Variants in CABP7 observed in about 807,000 individuals in gnomAD.
CABP7 encodes calcium-binding protein 7.
A neutral mutation model predicts 23.1 loss-of-function variants in CABP7; 13 were observed. The observed-to-expected ratio is 0.56, with a 90% CI of 0.37 to 0.90. CABP7 has a LOEUF of 0.90. Ranked by LOEUF, CABP7 falls within the 40% of genes least tolerant of loss-of-function variation. The pLI is 0.01. For missense variants in CABP7, 248 were observed against 295.6 expected (o/e 0.84, Z 1.18); for synonymous variants, 123 against 115.3 (o/e 1.07, Z -0.43).
intron 3 of CABP7, 24 bp downstream of exon 3, chr22:29,728,766 C>T (rs1311519238): frequency 6.6e-7 from 1 of 1,511,108 alleles, no homozygotes; most frequent in Non-Finnish European, 9.2e-7. Flanking sequence ...AGTTGGGACC[C>T]AGGGCTGTGC....
Position 29,727,692 on chromosome 22 carries a change from G to C in CABP7, c.140G>C (p.Arg47Pro). The change falls in exon 2 of 5, where the codon CGT becomes CCT. Residue 47 changes from arginine to proline, a missense_variant. Physicochemically the swap from Arg to Pro is moderately radical, Grantham distance 103. Transcript: ENST00000216144. The surrounding 1 kb of genome is among the most constrained non-coding windows in gnomAD (Gnocchi z 4.2). ...CGAGAGGCCTTCAAGGTGTTTGACC[G>C]TGACGGCAATGGCTTCATCTCCAAG... ...EIREAFKVFD[R>P]DGNGFISKQE... is the part of the protein sequence containing the mutation. 1 of 1,613,754 alleles carries C rather than the reference G, an allele frequency of 6.2e-7. No individual in the cohort carries two copies. The highest frequency in any genetic ancestry group is 1.1e-5 in the South Asian group (1 of 91,028).
At position 29,728,714 on chromosome 22, in the gene CABP7, G is replaced by A. The variant is rs756962602; in HGVS notation, c.338G>A (p.Gly113Asp). 3.7e-6 allele frequency: 6 copies of A among 1,613,532 alleles called. No homozygotes were observed. Among genetic ancestry groups the A allele is most frequent in the Non-Finnish European group, 4.2e-6 (5 of 1,179,752 alleles). The change falls in exon 3 of 5, where the codon GGC becomes GAC. Residue 113 changes from glycine to aspartate, a missense_variant. Gly to Asp is a moderately conservative substitution (Grantham distance 94). Transcript: ENST00000216144. ...STSGIPEKFH[G>D]TDFDTVFWKC... ...TCAGGGATCCCAGAGAAGTTCCATGGCACCGACTTTGATACTGTCTTCTGG... is the reference window on the plus strand; with the variant it reads ...TCAGGGATCCCAGAGAAGTTCCATGACACCGACTTTGATACTGTCTTCTGG...
In CABP7 at chr22:29,727,209, T is replaced by TTTC. The variant is rs111597500; in HGVS notation, c.110-452_110-451insTCT. 6.6e-6 allele frequency among the ~76,000 whole-genome samples: 1 copy of TTTC among 150,408 alleles called. No homozygotes were observed. The highest frequency in any genetic ancestry group is 1.5e-5 in the Non-Finnish European group (1 of 67,632). ...TGCCATTAGCAAGTGTTGGCCGGTG[T>TTTC]TAAGGATCTAAGGATCCGAGCCTGG... is the stretch of plus-strand genomic sequence containing the variant. On this transcript the variant is annotated intron_variant, in intron 1 of 4. Coordinates refer to ENST00000216144, the MANE Select transcript of CABP7 (RefSeq NM_182527.3). The surrounding 1 kb of genome is among the most constrained non-coding windows in gnomAD (Gnocchi z 4.2).
In CABP7 at chr22:29,728,676, C is replaced by T. The variant is rs753169975; in HGVS notation, c.300C>T (p.Pro100=). Residue 100 remains proline (P), a synonymous_variant, in exon 3 of 5, where the codon CCC becomes CCT. Coordinates refer to ENST00000216144, the MANE Select transcript of CABP7 (RefSeq NM_182527.3). ...DFEEFVTLLG[P]KLSTSGIPEK... is the part of the protein sequence containing the mutation. ...AGGAGTTTGTGACCCTTCTGGGACC[C>T]AAACTCTCCACCTCAGGGATCCCAG... The T allele has an allele frequency of 3.1e-6, 5 of 1,613,760 alleles. No homozygotes were observed. The Admixed American group carries it at 6.7e-5, about 22-fold the overall frequency.
rs1366378389 is a variant in CABP7 at position 29,731,542 on chromosome 22, C to T, written c.*1973C>T. 1.5e-6 allele frequency: 1 copy of T among 654,436 alleles called. No homozygotes were observed. The highest frequency in any genetic ancestry group is 2.4e-6 in the Non-Finnish European group (1 of 420,018). 40.5% of individuals were successfully genotyped at this position (654,436 alleles called of 1,614,324 possible). On this transcript the variant is annotated 3_prime_UTR_variant, in exon 5 of 5. Coordinates refer to ENST00000216144, the MANE Select transcript of CABP7 (RefSeq NM_182527.3). ...AGCGACCTCACCTCTAGGAACTGAG[C>T]CCAAGGAAATAGCGGGGTTGCAGGC...
chr22:29,728,929 G>T, intron 3 of CABP7, 126 bp from the exon 4 acceptor site: 1 of 1,296,652 alleles, frequency 7.7e-7, no homozygotes. Context: ...GACTCTCTGG[G>T]GGAATGGAGC....
chr22:29,725,160 T>C (rs1305355094), intron 1 of CABP7, among the ~76,000 whole-genome samples: 1 of 151,954 alleles, frequency 6.6e-6, no homozygotes, highest in Non-Finnish European at 1.5e-5. Flanking sequence ...TGGCCCCCAC[T>C]CGTCTTCAGC....
chr22:29,728,568 T>A lies in CABP7; in HGVS notation c.254-62T>A, dbSNP rs550357462. The A allele has an allele frequency of 5.6e-4, 602 of 1,075,214 alleles. 5 individuals are homozygous for A. The African/African-American group carries it at 8.3e-3, about 15-fold the overall frequency. The allele number at this position is 1,075,214 out of a possible 1,614,324, so 66.6% of individuals were successfully genotyped here. A position where few individuals can be genotyped will look rare whatever the true frequency, so the allele number is the denominator to read the frequency against. ...TATCAAGACTCCATCCCAGGACCTC[T>A]GGGCCCTGGGCTGCAGGCCTGGGCC... On this transcript the variant is annotated intron_variant, in intron 2 of 4. Coordinates refer to ENST00000216144, the MANE Select transcript of CABP7 (RefSeq NM_182527.3).
chr22:29,720,531 A>G lies in CABP7; in HGVS notation c.107A>G (p.Glu36Gly). ...GTGGACATCCCGGAGGACGAGCTGG[A>G]GGGTGAGTGTCCGCCGGGATCCCCG... Reference protein sequence around the residue: ...RPVDIPEDELEEIREAFKVFD... With the variant: ...RPVDIPEDELGEIREAFKVFD... The change falls in exon 1 of 5, where the codon GAG (glutamate) becomes GGG (glycine). Residue 36 changes from glutamate to glycine, a missense_variant and splice_region_variant. Glu to Gly is a moderately conservative substitution (Grantham distance 98, BLOSUM62 -2). Transcript: ENST00000216144. The surrounding 1 kb of genome is among the most constrained non-coding windows in gnomAD (Gnocchi z 5.2). 2 of 1,528,434 alleles carry G rather than the reference A, an allele frequency of 1.3e-6. No homozygotes were observed. The highest frequency in any genetic ancestry group is 1.9e-5 in the Admixed American group (1 of 52,660). The allele number at this position is 1,528,434 out of a possible 1,614,324, so 94.7% of individuals were successfully genotyped here.
chr22:29,725,146 C>T (rs2067786394), intron 1 of CABP7, among the ~76,000 whole-genome samples: 1 of 152,252 alleles, frequency 6.6e-6, no homozygotes, highest in East Asian at 1.9e-4. Flanking sequence ...CCCACACCAC[C>T]GTCTGGCCCC....
In CABP7 at chr22:29,720,381, G is replaced by T; in HGVS notation, c.-44G>T. Reference sequence around the variant, plus strand: ...GGGCCGCCACCGGCCCATGAGCCCCGGCCTCAAAGTTTGCGGCGGGCGGGC... The same window carrying T: ...GGGCCGCCACCGGCCCATGAGCCCCTGCCTCAAAGTTTGCGGCGGGCGGGC... On this transcript the variant is annotated 5_prime_UTR_variant, in exon 1 of 5. Coordinates refer to ENST00000216144, the MANE Select transcript of CABP7 (RefSeq NM_182527.3). The surrounding 1 kb of genome is among the most constrained non-coding windows in gnomAD (Gnocchi z 5.2). 7.4e-7 allele frequency: 1 copy of T among 1,344,288 alleles called. No homozygotes were observed. The highest frequency in any genetic ancestry group is 9.9e-7 in the Non-Finnish European group (1 of 1,008,360). The allele number at this position is 1,344,288 out of a possible 1,614,324, so 83.3% of individuals were successfully genotyped here.
rs200634649 is a variant in CABP7, at chr22:29,728,719, G to A, written c.343G>A (p.Asp115Asn). The A allele has an allele frequency of 9.4e-5, 151 of 1,613,092 alleles. No homozygotes were observed. Among genetic ancestry groups the A allele is most frequent in the Middle Eastern group, 3.3e-4 (2 of 6,058 alleles). The change falls in exon 3 of 5, where the codon GAC (aspartate) becomes AAC (asparagine). Residue 115 changes from aspartate (D) to asparagine (N), a missense_variant. Coordinates refer to ENST00000216144, the MANE Select transcript of CABP7 (RefSeq NM_182527.3). ...GATCCCAGAGAAGTTCCATGGCACC[G>A]ACTTTGATACTGTCTTCTGGAAGGT... ...SGIPEKFHGT[D>N]FDTVFWKCDM...
Position 29,728,719 on chromosome 22 carries a change from G to C in CABP7, c.343G>C (p.Asp115His), listed in dbSNP as rs200634649. ...SGIPEKFHGT[D>H]FDTVFWKCDM... Reference sequence around the variant, plus strand: ...GATCCCAGAGAAGTTCCATGGCACCGACTTTGATACTGTCTTCTGGAAGGT... The same window carrying C: ...GATCCCAGAGAAGTTCCATGGCACCCACTTTGATACTGTCTTCTGGAAGGT... The change falls in exon 3 of 5, where the codon GAC becomes CAC. Residue 115 changes from aspartate to histidine, a missense_variant. Coordinates refer to ENST00000216144, the MANE Select transcript of CABP7 (RefSeq NM_182527.3). 1 of 1,613,094 alleles carries C rather than the reference G, an allele frequency of 6.2e-7. No homozygotes were observed. Among genetic ancestry groups the C allele is most frequent in the South Asian group, 1.1e-5 (1 of 91,042 alleles).
rs1448980874 is a variant in CABP7, at chr22:29,720,931, G to A, written c.109+398G>A. Among the ~76,000 whole-genome samples the A allele has an allele frequency of 6.6e-6, 1 of 151,998 alleles. No homozygotes were observed. Among genetic ancestry groups the A allele is most frequent in the East Asian group, 1.9e-4 (1 of 5,162 alleles). On this transcript the variant is annotated intron_variant, in intron 1 of 4. Transcript: ENST00000216144. This position sits in a 1 kb window ranked among gnomAD's most constrained non-coding sequence, Gnocchi z 5.2. ...GATCCCCTCCGCGGCGCCCGCCCGC[G>A]GCTCTCTGCTCGCATTGACATTCCG... is the stretch of plus-strand genomic sequence containing the variant.
chr22:29,722,286 G>A (rs897381710), intron 1 of CABP7, among the ~76,000 whole-genome samples: 1 of 152,248 alleles, frequency 6.6e-6, no homozygotes, highest in Non-Finnish European at 1.5e-5. Flanking sequence ...GCAGGGGCGA[G>A]GGGCCGCAGG....
Position 29,729,587 on chromosome 22 carries a change from C to T in CABP7, c.*18C>T. On this transcript the variant is annotated 3_prime_UTR_variant, in exon 5 of 5. Transcript: ENST00000216144. Reference sequence around the variant, plus strand: ...TGAAGTAGACGCCACCTGGATGCCCCATCCACCGCATGCGGTGCCCGTGGC... The same window carrying T: ...TGAAGTAGACGCCACCTGGATGCCCTATCCACCGCATGCGGTGCCCGTGGC... 1 of 1,606,340 alleles carries T rather than the reference C, an allele frequency of 6.2e-7. No homozygotes were observed.
chr22:29,729,616 C>T lies in CABP7; in HGVS notation c.*47C>T. 1 of 1,595,700 alleles carries T rather than the reference C, an allele frequency of 6.3e-7. No homozygotes were observed. The highest frequency in any genetic ancestry group is 8.5e-7 in the Non-Finnish European group (1 of 1,176,126). On this transcript the variant is annotated 3_prime_UTR_variant, in exon 5 of 5. Coordinates refer to ENST00000216144, the MANE Select transcript of CABP7 (RefSeq NM_182527.3). ...CACCGCATGCGGTGCCCGTGGCCCGCCCCACACCACCGCCGCCTGCAGACC... is the reference window on the plus strand; with the variant it reads ...CACCGCATGCGGTGCCCGTGGCCCGTCCCACACCACCGCCGCCTGCAGACC...
Position 29,731,417 on chromosome 22 carries a change from C to T in CABP7, c.*1848C>T. On this transcript the variant is annotated 3_prime_UTR_variant, in exon 5 of 5. Coordinates refer to ENST00000216144, the MANE Select transcript of CABP7 (RefSeq NM_182527.3). ...ACTACAGCCCAGGCTTATGCCACCC[C>T]CAGCCCACCTGCCTCACCACCCTGG... The T allele has an allele frequency of 3.3e-6, 5 of 1,510,426 alleles. No homozygotes were observed. The highest frequency in any genetic ancestry group is 3.5e-6 in the Non-Finnish European group (4 of 1,144,874). The allele number at this position is 1,510,426 out of a possible 1,614,324, so 93.6% of individuals were successfully genotyped here.
intron 1 of CABP7, among the ~76,000 whole-genome samples, chr22:29,726,339 G>A (rs932589004): frequency 1.3e-5 from 2 of 152,166 alleles, no homozygotes; most frequent in Non-Finnish European, 2.9e-5. Flanking sequence ...CATCCTCTCC[G>A]GGCCATGGCC....
Sources: allele counts gnomAD v4.1 joint callset (sites outside exome capture counted in the v4.1 genomes callset), GRCh38; gene constraint gnomAD v4.1.1; non-coding constraint Gnocchi (gnomAD v3.1); transcripts MANE v1.5; gene names NCBI Gene and HGNC (gene_info 2026-07-23, HGNC 2026-07-21).